The following SH3GL3 variants were observed in gnomAD, a reference collection of about 807,000 sequenced individuals.
SH3GL3 encodes the protein endophilin-A3.
A neutral mutation model predicts 47.7 loss-of-function variants in SH3GL3; 33 were observed. The observed-to-expected ratio is 0.69, with a 90% CI of 0.52 to 0.92. SH3GL3 has a LOEUF of 0.92. Ranked by LOEUF, SH3GL3 falls within the 40% of genes least tolerant of loss-of-function variation. The pLI is 0.00. For synonymous variants in SH3GL3, 155 were observed against 148.8 expected, an observed-to-expected ratio of 1.04 and a Z score of -0.30; for missense variants, 363 against 417.8, an observed-to-expected ratio of 0.87 and a Z score of 1.14.
At chr15:83,607,993 A>G (rs947012035) in intron 8 of SH3GL3, among the ~76,000 whole-genome samples, 1 of 152,170 alleles carries the variant, frequency 6.6e-6, no homozygotes, top group Admixed American at 6.5e-5. Context: ...GTTTTGAGGT[A>G]TCTGCAAAAG....
intron 1 of SH3GL3, among the ~76,000 whole-genome samples, chr15:83,483,770 A>G (rs1408103930): frequency 6.6e-6 from 1 of 152,200 alleles, no homozygotes; most frequent in Non-Finnish European, 1.5e-5. Flanking sequence ...TCCCATCCCC[A>G]TGGCCCTTTT....
intron 8 of SH3GL3, among the ~76,000 whole-genome samples, chr15:83,599,786 T>C (rs1276349555): frequency 6.6e-6 from 1 of 152,188 alleles, no homozygotes; most frequent in Non-Finnish European, 1.5e-5. Flanking sequence ...TCCATAGTGG[T>C]TGTACTAGTT....
intron 2 of SH3GL3, among the ~76,000 whole-genome samples, chr15:83,564,032 T>C (rs1294700177): frequency 6.6e-6 from 1 of 152,236 alleles, no homozygotes; most frequent in African/African-American, 2.4e-5. Flanking sequence ...TGTTCAGTTT[T>C]TAAGTTTTTA....
chr15:83,509,155 C>T (rs1437852129), intron 1 of SH3GL3, among the ~76,000 whole-genome samples: 1 of 152,176 alleles, frequency 6.6e-6, no homozygotes, highest in Non-Finnish European at 1.5e-5. Context: ...AGGGGAATTG[C>T]CTTTGGAACA....
downstream of SH3GL3, among the ~76,000 whole-genome samples, chr15:83,619,207 G>A (rs1490524226): frequency 6.6e-6 from 1 of 152,190 alleles, no homozygotes; most frequent in Non-Finnish European, 1.5e-5. Flanking sequence ...AAAAGAAGGA[G>A]CCTCATTGAC....
At chr15:83,476,469 T>C (rs1314708352) in intron 1 of SH3GL3, among the ~76,000 whole-genome samples, 4 of 152,222 alleles carry the variant, frequency 2.6e-5, no homozygotes, top group Non-Finnish European at 5.9e-5. Context: ...CTGTATTACA[T>C]AGAATATTCT....
At chr15:83,612,576 C>T (rs1469476938) in intron 8 of SH3GL3, among the ~76,000 whole-genome samples, 3 of 152,224 alleles carry the variant, frequency 2.0e-5, no homozygotes, top group Non-Finnish European at 4.4e-5. Flanking sequence ...CTCCAGCCCC[C>T]GTGTTAGTCC....
intron 1 of SH3GL3, among the ~76,000 whole-genome samples, chr15:83,541,234 G>T (rs2044136428): frequency 6.6e-6 from 1 of 150,430 alleles, no homozygotes; most frequent in African/African-American, 2.4e-5. Context: ...ATAAATATGG[G>T]CAGCAGATAT....
chr15:83,450,785 A>AT (rs770343862), intron 1 of SH3GL3, among the ~76,000 whole-genome samples: 188 of 12,144 alleles, frequency 0.015, no homozygotes, highest in African/African-American at 0.023. Context: ...AAGGTTATAG[A>AT]TTTTCTTTTT....
intron 7 of SH3GL3, among the ~76,000 whole-genome samples, chr15:83,587,465 G>A (rs1003723560): frequency 7.0e-6 from 1 of 142,260 alleles, no homozygotes; most frequent in African/African-American, 2.6e-5. Context: ...CAAAGGGATG[G>A]AAAACATCCA....
Position 83,567,055 on chromosome 15 carries a change from T to G in SH3GL3, c.188-1474T>G, listed in dbSNP as rs180741152. The stretch of plus-strand genomic sequence containing the variant: ...CTTGACTATCTAAAAGTATCTCAAA[T>G]ACCACAAACTAGTATGTGATTCACT... On this transcript the variant is annotated intron_variant, in intron 3 of 8. Transcript: ENST00000427482. Among the ~76,000 whole-genome samples, 43 of 152,318 alleles carry G rather than the reference T, an allele frequency of 2.8e-4. No individual in the cohort carries two copies. In the East Asian group the frequency reaches 4.8e-3, roughly 17 times the overall value.
At chr15:83,530,377 G>A (rs947657512) in intron 1 of SH3GL3, among the ~76,000 whole-genome samples, 5 of 152,150 alleles carry the variant, frequency 3.3e-5, no homozygotes, top group Admixed American at 2.6e-4. Flanking sequence ...TCCCTGCACC[G>A]GGAACCTCTC....
chr15:83,607,003 T>A (rs1434812086), intron 8 of SH3GL3, among the ~76,000 whole-genome samples: 2 of 152,230 alleles, frequency 1.3e-5, no homozygotes, highest in Admixed American at 1.3e-4. Flanking sequence ...AGAGTCTCTC[T>A]CTTATTTTCC....
At chr15:83,450,141 A>G (rs551908041) in intron 1 of SH3GL3, among the ~76,000 whole-genome samples, 1 of 152,362 alleles carries the variant, frequency 6.6e-6, no homozygotes, top group South Asian at 2.1e-4. Flanking sequence ...TTCTATCTGT[A>G]TGATGACTCA....
intron 2 of SH3GL3, among the ~76,000 whole-genome samples, chr15:83,562,079 A>ACT (rs2045316922): frequency 1.6e-5 from 2 of 128,064 alleles, no homozygotes; most frequent in South Asian, 4.8e-4. Context: ...ACACACACAC[A>ACT]CACTATAGTG....
intron 4 of SH3GL3, among the ~76,000 whole-genome samples, chr15:83,570,711 G>A (rs938060320): frequency 2.0e-5 from 3 of 152,142 alleles, no homozygotes; most frequent in African/African-American, 7.2e-5. Flanking sequence ...TAGGAAATTG[G>A]AGGAAATATC....
intron 8 of SH3GL3, among the ~76,000 whole-genome samples, chr15:83,601,389 G>A (rs767830994): frequency 8.5e-5 from 13 of 152,150 alleles, no homozygotes; most frequent in Admixed American, 7.2e-4. Flanking sequence ...CGATTTTGCT[G>A]AGGGTTTTAA....
chr15:83,507,455 G>A lies in SH3GL3; in HGVS notation c.46-51798G>A, dbSNP rs570909340. ...TTTTGAGAGAGAGTCTCGCTCTGTC[G>A]CCCAGGCTAGAGTGAAGTGGCATGA... is the stretch of plus-strand genomic sequence containing the variant. On this transcript the variant is annotated intron_variant, in intron 1 of 8. Coordinates refer to ENST00000427482, the MANE Select transcript of SH3GL3 (RefSeq NM_003027.5). Among the ~76,000 whole-genome samples the A allele has an allele frequency of 1.3e-4, 19 of 149,892 alleles. 1 individual carries two copies. The highest frequency in any genetic ancestry group is 9.9e-4 in the East Asian group (5 of 5,028).
intron 6 of SH3GL3, among the ~76,000 whole-genome samples, chr15:83,580,694 C>T (rs1383417716): frequency 6.6e-6 from 1 of 152,212 alleles, no homozygotes; most frequent in Non-Finnish European, 1.5e-5. Context: ...GGCACTTTCC[C>T]CTCCTTGCAC....
Sources: gnomAD v4.1 joint callset for allele counts (sites outside exome capture counted in the v4.1 genomes callset) on GRCh38, gnomAD v4.1.1 for gene constraint, MANE v1.5 for transcripts, NCBI Gene and HGNC (gene_info 2026-07-23, HGNC 2026-07-21) for gene names.